Variants in WDR59 observed in about 807,000 individuals in gnomAD.
The protein encoded by WDR59 is GATOR2 complex protein WDR59.
A neutral mutation model predicts 131.2 loss-of-function variants in WDR59; 100 were observed. The observed-to-expected ratio is 0.76, with a 90% CI of 0.65 to 0.90. The LOEUF (loss-of-function observed/expected upper bound fraction) is 0.90, where lower values mean the gene tolerates loss of function less well. Among genes scored for constraint, WDR59 ranks in the 40% least tolerant of loss-of-function variants. The probability of loss-of-function intolerance (pLI) is 0.00; values close to 1 mark genes in which losing one functional copy is unlikely to be tolerated. For synonymous variants in WDR59, 601 were observed against 466.2 expected (o/e 1.29, Z -3.72); for missense variants, 1,203 against 1,262.2 (o/e 0.95, Z 0.71).
chr16:74,874,540 T>C (rs1964115014), intron 25 of WDR59, 96 bp from the exon 26 acceptor site: 3 of 1,002,130 alleles, frequency 3.0e-6, no homozygotes, highest in Non-Finnish European at 3.0e-6. Flanking sequence ...AGTCTTCCTC[T>C]CAAGACTCTA....
At chr16:74,965,022 C>T (rs989631254) in intron 2 of WDR59, among the ~76,000 whole-genome samples, 1 of 152,012 alleles carries the variant, frequency 6.6e-6, no homozygotes, top group Non-Finnish European at 1.5e-5. Context: ...CGAGATCGCG[C>T]CACTGCACTC....
intron 8 of WDR59, among the ~76,000 whole-genome samples, chr16:74,929,461 A>G (rs2031187071): frequency 6.6e-6 from 1 of 152,222 alleles, no homozygotes; most frequent in Admixed American, 6.5e-5. Flanking sequence ...GAGAAATGCA[A>G]ATCAAAACTA....
chr16:74,968,875 A>G (rs374209463), intron 1 of WDR59, among the ~76,000 whole-genome samples: 51 of 152,324 alleles, frequency 3.3e-4, no homozygotes, highest in African/African-American at 1.2e-3. Context: ...GGTTACCACC[A>G]TGTTTGCAGG....
At chr16:74,875,659 G>A (rs189027961) in intron 25 of WDR59, among the ~76,000 whole-genome samples, 1 of 152,222 alleles carries the variant, frequency 6.6e-6, no homozygotes, top group African/African-American at 2.4e-5. Flanking sequence ...CCCCTTTCTA[G>A]CTGCAATTTG....
chr16:74,886,281 A>C lies in WDR59; in HGVS notation c.2535T>G (p.Asp845Glu). The change falls in exon 24 of 26, where the codon GAT becomes GAG. Residue 845 changes from aspartate (D) to glutamate (E), a missense_variant. Asp to Glu is a conservative substitution (Grantham distance 45, BLOSUM62 2). Transcript: ENST00000262144. ...DPRERERDQH[D>E]KNKRLLDPAN... ...GGGAGGGTGGTTACCTTTTATTTTT[A>C]TCATGCTGGTCGCGTTCTCGCTCAC... The C allele has an allele frequency of 6.2e-7, 1 of 1,607,488 alleles. No individual in the cohort carries two copies. The highest frequency in any genetic ancestry group is 8.5e-7 in the Non-Finnish European group (1 of 1,175,910).
In WDR59 at chr16:74,942,831, A is replaced by C. The variant is rs1480892208; in HGVS notation, c.446-5T>G. The C allele has an allele frequency of 6.2e-7, 1 of 1,613,332 alleles. No homozygotes were observed. The highest frequency in any genetic ancestry group is 8.5e-7 in the Non-Finnish European group (1 of 1,179,726). The stretch of plus-strand genomic sequence containing the variant: ...ATTTGACCTGGGAGGCACCCGCTGC[A>C]AAGAAAAATCAGGGAAGAAAGCTGC... On this transcript the variant is annotated splice_region_variant and splice_polypyrimidine_tract_variant and intron_variant, in intron 6 of 25. Transcript: ENST00000262144.
At chr16:74,886,465 A>G in intron 23 of WDR59, 69 bp from the exon 24 acceptor site, 1 of 1,564,980 alleles carries the variant, frequency 6.4e-7, no homozygotes, top group Non-Finnish European at 8.6e-7. Flanking sequence ...GAAGAGTCTC[A>G]TAAGACAGCA....
intron 18 of WDR59, among the ~76,000 whole-genome samples, chr16:74,901,802 G>A (rs890244183): frequency 3.9e-5 from 6 of 152,056 alleles, no homozygotes; most frequent in Non-Finnish European, 4.4e-5. Flanking sequence ...AAGGATTATC[G>A]ACCTTTGTAA....
chr16:74,950,838 A>G (rs866713399), intron 4 of WDR59, among the ~76,000 whole-genome samples: 30 of 152,046 alleles, frequency 2.0e-4, no homozygotes, highest in African/African-American at 7.2e-4. Flanking sequence ...ATTCTGCTGC[A>G]TAACCACTCC....
chr16:74,969,430 G>A (rs950418169), intron 1 of WDR59, among the ~76,000 whole-genome samples: 3 of 151,618 alleles, frequency 2.0e-5, no homozygotes, highest in Admixed American at 1.3e-4. Flanking sequence ...ATGCCACTAC[G>A]CTCGGCTAAT....
intron 18 of WDR59, chr16:74,899,576 G>C: frequency 1.4e-6 from 1 of 738,808 alleles, no homozygotes; most frequent in South Asian, 1.6e-5. Flanking sequence ...GACTGTTGCT[G>C]GTCCTGAAAA....
At chr16:74,970,889 A>T (rs946343239) in intron 1 of WDR59, among the ~76,000 whole-genome samples, 13 of 134,566 alleles carry the variant, frequency 9.7e-5, no homozygotes, top group East Asian at 6.0e-4. Flanking sequence ...CACACCTTTT[A>T]AAAAAAAAAA....
intron 25 of WDR59, among the ~76,000 whole-genome samples, chr16:74,881,403 G>A (rs1418830745): frequency 1.3e-5 from 2 of 151,400 alleles, no homozygotes; most frequent in Non-Finnish European, 2.9e-5. Context: ...TGTTGCCCAG[G>A]CTTGTCTCGA....
rs746321123 is a variant in WDR59, at chr16:74,874,294, G to C, written c.2840C>G (p.Thr947Ser). ...FCLTCGHGGH[T>S]SHMMEWFRTQ... ...CCGAAACCACTCCATCATGTGGCTG[G>C]TGTGGCCACCGTGCCCACAGGTCAG... is the stretch of plus-strand genomic sequence containing the variant. The change falls in exon 26 of 26, where the codon ACC becomes AGC. Residue 947 changes from threonine to serine, a missense_variant. Coordinates refer to ENST00000262144, the MANE Select transcript of WDR59 (RefSeq NM_030581.4). 6.2e-7 allele frequency: 1 copy of C among 1,614,114 alleles called. No homozygotes were observed. The highest frequency in any genetic ancestry group is 2.2e-5 in the East Asian group (1 of 44,862).
At chr16:74,949,961 A>G (rs1354500401) in intron 4 of WDR59, 163 bp from the exon 5 acceptor site, 1 of 705,594 alleles carries the variant, frequency 1.4e-6, no homozygotes, top group Admixed American at 2.1e-5. Flanking sequence ...GGGAACGAAC[A>G]TGAGTTTGGA....
At chr16:74,937,266 G>C (rs1029611945) in intron 8 of WDR59, among the ~76,000 whole-genome samples, 2 of 152,164 alleles carry the variant, frequency 1.3e-5, no homozygotes, top group Non-Finnish European at 2.9e-5. Context: ...ATAAAATCTT[G>C]AGCATTTCCT....
chr16:74,880,339 C>A (rs1322965497), intron 25 of WDR59, among the ~76,000 whole-genome samples: 1 of 151,928 alleles, frequency 6.6e-6, no homozygotes, highest in Admixed American at 6.6e-5. Context: ...CCCAGTTACT[C>A]GGGAGGCTGA....
At chr16:74,961,611 A>T (rs1176198470) in intron 2 of WDR59, among the ~76,000 whole-genome samples, 1 of 152,136 alleles carries the variant, frequency 6.6e-6, no homozygotes, top group Non-Finnish European at 1.5e-5. Context: ...GTGTCTGTTC[A>T]CGTCCTTTGC....
In WDR59 at chr16:74,885,715, C is replaced by T; in HGVS notation, c.2627G>A (p.Arg876Lys). 3 of 1,614,142 alleles carry T rather than the reference C, an allele frequency of 1.9e-6. No homozygotes were observed. The highest frequency in any genetic ancestry group is 2.5e-6 in the Non-Finnish European group (3 of 1,180,036). The change falls in exon 25 of 26, where the codon AGA becomes AAA. Residue 876 changes from arginine to lysine, a missense_variant. Physicochemically the swap from Arg to Lys is conservative, Grantham distance 26 (BLOSUM62 2). Coordinates refer to ENST00000262144, the MANE Select transcript of WDR59 (RefSeq NM_030581.4). ...CTTCAACACTTCAGCTCGCTTCTCT[C>T]TCAGACCCCAACGGTAGAGGATTTC... ...YGEILYRWGL[R>K]EKRAEVLKFV...
Sources: gnomAD v4.1 joint callset for allele counts (sites outside exome capture counted in the v4.1 genomes callset) on GRCh38, gnomAD v4.1.1 for gene constraint, MANE v1.5 for transcripts, NCBI Gene and HGNC (gene_info 2026-07-23, HGNC 2026-07-21) for gene names.